PGK1: variants seen among roughly 807,000 people sequenced by gnomAD.
The protein encoded by PGK1 is PRP 2.
A neutral mutation model predicts 26.9 loss-of-function variants in PGK1; 3 were observed. That is an observed-to-expected ratio of 0.11 (90% CI 0.05 to 0.29). The LOEUF (loss-of-function observed/expected upper bound fraction) is 0.29. Among genes scored for constraint, PGK1 ranks in the 10% least tolerant of loss-of-function variants. The pLI is 1.00. For missense variants in PGK1, 270 were observed against 314.7 expected (o/e 0.86, Z 1.07); for synonymous variants, 125 against 115.3 (o/e 1.08, Z -0.54).
chrX:78,125,524 C>A (rs2078379003), intron 10 of PGK1, 99 bp downstream of exon 10: 1 of 583,906 alleles, frequency 1.7e-6, no homozygotes, highest in African/African-American at 2.2e-5. Context: ...GTAGTGTTGT[C>A]ATTAGCAGTC....
intron 4 of PGK1, among the ~76,000 whole-genome samples, chrX:78,115,446 A>G (rs1325864405): frequency 9.9e-5 from 11 of 111,246 alleles, no homozygotes; most frequent in African/African-American, 3.3e-4. Flanking sequence ...TCACAAGGTC[A>G]GGAGTTCGAG....
chrX:78,106,349 A>G (rs2149128716), intron 1 of PGK1: 1 of 706,836 alleles, frequency 1.4e-6, no homozygotes, highest in South Asian at 7.3e-5. Flanking sequence ...GTTGAAATAG[A>G]ACTTTCTCCC....
At position 78,117,433 on chromosome X, in the gene PGK1, G is replaced by C. The variant is rs200913979; in HGVS notation, c.521+18G>C. ...GCCCACAGGTACCAAGAACCTTGTA[G>C]ACTACCACACTGAGAACAGTATTCC... On this transcript the variant is annotated intron_variant, in intron 5 of 10. Transcript: ENST00000373316. 6.1e-6 allele frequency: 6 copies of C among 990,131 alleles called. No homozygotes were observed. The Admixed American group carries it at 1.3e-4, about 22-fold the overall frequency. The allele number at this position is 990,131 out of a possible 1,213,427, so 81.6% of individuals were successfully genotyped here. A position where few individuals can be genotyped will look rare whatever the true frequency, so the allele number is the denominator to read the frequency against.
At chrX:78,109,993 A>G (rs2078292204) in intron 2 of PGK1, 76 bp downstream of exon 2, 1 of 692,255 alleles carries the variant, frequency 1.4e-6, no homozygotes, top group South Asian at 2.2e-5. Context: ...TTCCTTTCAT[A>G]TTGTATTATG....
At chrX:78,110,617 A>G (rs1414618316) in intron 2 of PGK1, among the ~76,000 whole-genome samples, 1 of 110,201 alleles carries the variant, frequency 9.1e-6, no homozygotes, top group African/African-American at 3.3e-5. Context: ...TATAAAACAC[A>G]CACAAAAAAT....
At chrX:78,119,269 A>G (rs1482320632) in intron 6 of PGK1, among the ~76,000 whole-genome samples, 2 of 112,121 alleles carry the variant, frequency 1.8e-5, no homozygotes, top group African/African-American at 6.5e-5. Context: ...CTTTTCTCCT[A>G]TAGGGAAAGG....
At chrX:78,114,202 A>G (rs782459913) in intron 4 of PGK1, 42 bp downstream of exon 4, 2 of 1,131,733 alleles carry the variant, frequency 1.8e-6, no homozygotes, top group Admixed American at 4.4e-5. Flanking sequence ...TGAGGGCCTG[A>G]GTCTGTAAGA....
Position 78,114,005 on chromosome X carries a change from C to T in PGK1, c.273-11C>T. ...TACTGCTCAAGTGTCTTCATCTCTTCCTCTTCTCAGGGATGTTCTGTTCTT... is the reference window on the plus strand; with the variant it reads ...TACTGCTCAAGTGTCTTCATCTCTTTCTCTTCTCAGGGATGTTCTGTTCTT... On this transcript the variant is annotated splice_polypyrimidine_tract_variant and intron_variant, in intron 3 of 10. Coordinates refer to ENST00000373316, the MANE Select transcript of PGK1 (RefSeq NM_000291.4). 1 of 1,210,735 alleles carries T rather than the reference C, an allele frequency of 8.3e-7. No individual in the cohort carries two copies. The highest frequency in any genetic ancestry group is 1.1e-6 in the Non-Finnish European group (1 of 894,806).
rs1225682384 is a variant in PGK1, at chrX:78,128,977, G to A, written c.*3147G>A. ...AACACTTTGGGAGGCCCAGGCAGGCGGGTCATGAGGTCAGGAGATTGAGAC... is the reference window on the plus strand; with the variant it reads ...AACACTTTGGGAGGCCCAGGCAGGCAGGTCATGAGGTCAGGAGATTGAGAC... On this transcript the variant is annotated 3_prime_UTR_variant, in exon 11 of 11. Coordinates refer to ENST00000373316, the MANE Select transcript of PGK1 (RefSeq NM_000291.4). The A allele has an allele frequency of 1.8e-5, 2 of 109,961 alleles. No individual in the cohort carries two copies. Among genetic ancestry groups the A allele is most frequent in the African/African-American group, 3.3e-5 (1 of 29,993 alleles). The allele number at this position is 109,961 out of a possible 1,213,427, so 9.1% of individuals were successfully genotyped here.
At chrX:78,123,115 T>C in intron 7 of PGK1, 80 bp from the exon 8 acceptor site, 1 of 811,439 alleles carries the variant, frequency 1.2e-6, no homozygotes, top group South Asian at 2.1e-5. Context: ...TTGTATTGTG[T>C]CTGGTTCCTG....
chrX:78,124,772 G>C (rs1282302947), intron 8 of PGK1, 102 bp from the exon 9 acceptor site: 1 of 669,436 alleles, frequency 1.5e-6, no homozygotes, highest in Non-Finnish European at 2.4e-6. Flanking sequence ...TTTGTTTCTA[G>C]AAGAAACTTT....
chrX:78,113,044 A>G (rs2078308740), intron 2 of PGK1, among the ~76,000 whole-genome samples: 1 of 112,243 alleles, frequency 8.9e-6, no homozygotes, highest in Non-Finnish European at 1.9e-5. Context: ...TCACGCCTGT[A>G]TTCCCAGCAG....
intron 6 of PGK1, 93 bp downstream of exon 6, chrX:78,118,263 A>C: frequency 1.1e-6 from 1 of 914,854 alleles, no homozygotes; most frequent in Non-Finnish European, 1.6e-6. Flanking sequence ...GCTCAGTCAC[A>C]CTGGGTAACT....
At chrX:78,111,584 G>T (rs1557246886) in intron 2 of PGK1, among the ~76,000 whole-genome samples, 1 of 111,790 alleles carries the variant, frequency 8.9e-6, no homozygotes, top group Non-Finnish European at 1.9e-5. Context: ...TATATATCTG[G>T]TACTCAACAG....
rs199571497 is a variant in PGK1, at chrX:78,123,270, G to A, written c.832G>A (p.Val278Met). Residue 278 changes from valine to methionine, a missense_variant, in exon 8 of 11, where the codon GTG (valine) becomes ATG (methionine). Val to Met is a conservative substitution (Grantham distance 21, BLOSUM62 1). Transcript: ENST00000373316. ...DLMSKAEKNG[V>M]KITLPVDFVT... ...AATGTCCAAAGCTGAGAAGAATGGT[G>A]TGAAGATTACCTTGCCTGTTGACTT... The A allele has an allele frequency of 1.2e-4, 140 of 1,199,976 alleles. No individual in the cohort carries two copies. The highest frequency in any genetic ancestry group is 1.5e-4 in the Non-Finnish European group (133 of 886,101).
At chrX:78,119,339 G>T (rs1312641306) in intron 6 of PGK1, among the ~76,000 whole-genome samples, 1 of 111,982 alleles carries the variant, frequency 8.9e-6, no homozygotes, top group Non-Finnish European at 1.9e-5. Flanking sequence ...CAGAATTGAG[G>T]GTTGAGAGGA....
At chrX:78,116,659 G>A (rs782086981) in intron 4 of PGK1, among the ~76,000 whole-genome samples, 2 of 112,470 alleles carry the variant, frequency 1.8e-5, no homozygotes, top group Admixed American at 1.9e-4. Context: ...ATGCCTTGAT[G>A]GCAAGCTGAC....
At chrX:78,116,444 T>C (rs2078326884) in intron 4 of PGK1, among the ~76,000 whole-genome samples, 1 of 112,390 alleles carries the variant, frequency 8.9e-6, no homozygotes, top group Admixed American at 9.4e-5. Flanking sequence ...GCCCCATTTT[T>C]TATGGCAGTC....
chrX:78,112,407 A>G (rs1352169185), intron 2 of PGK1, among the ~76,000 whole-genome samples: 2 of 112,596 alleles, frequency 1.8e-5, no homozygotes, highest in African/African-American at 6.4e-5. Flanking sequence ...ATTTCTTATA[A>G]ACTGGCAAAA....
Sources: allele counts gnomAD v4.1 joint callset (sites outside exome capture counted in the v4.1 genomes callset), GRCh38; gene constraint gnomAD v4.1.1; transcripts MANE v1.5; gene names NCBI Gene and HGNC (gene_info 2026-07-23, HGNC 2026-07-21).